Variants in ST7 observed in about 807,000 individuals in gnomAD.
The protein encoded by ST7 is suppressor of tumorigenicity 7 protein.
ST7 carries 28 observed loss-of-function variants against 78.7 expected under a neutral mutation model. That is an observed-to-expected ratio of 0.36 (90% confidence interval 0.26 to 0.49). ST7 has a LOEUF of 0.49. ST7 is among the 20% of genes least tolerant of loss of function. The pLI is 0.99. For missense variants in ST7, 418 were observed against 696.0 expected (o/e 0.60, Z 4.49); for synonymous variants, 247 against 249.6 (o/e 0.99, Z 0.10).
intron 12 of ST7, among the ~76,000 whole-genome samples, chr7:117,194,074 T>C (rs1460558407): frequency 1.3e-5 from 2 of 152,182 alleles, no homozygotes; most frequent in Non-Finnish European, 2.9e-5. Context: ...AAAAACCCCT[T>C]GTCTCTGTTC....
At chr7:116,965,827 A>T (rs1029242581) in intron 1 of ST7, 3 of 168,086 alleles carry the variant, frequency 1.8e-5, no homozygotes, top group African/African-American at 7.3e-5. Context: ...CAAAGTTTGC[A>T]TGAAATATGG....
intron 1 of ST7, among the ~76,000 whole-genome samples, chr7:117,029,890 G>T (rs1354686753): frequency 6.6e-6 from 1 of 151,906 alleles, no homozygotes; most frequent in Non-Finnish European, 1.5e-5. Context: ...TTATTCTAGG[G>T]ATCTGTATAT....
At chr7:117,221,454 A>G (rs1793082673) in intron 14 of ST7, among the ~76,000 whole-genome samples, 1 of 152,202 alleles carries the variant, frequency 6.6e-6, no homozygotes, top group South Asian at 2.1e-4. Flanking sequence ...AACTAGTATC[A>G]TCTCATTATA....
chr7:117,219,986 A>G lies in ST7; in HGVS notation c.1498+810A>G, dbSNP rs1792967735. ...GACTTAGGATATATTTTTCTCCCTCAGATAATAAGCTCCAAATTTTAGCTC... is the reference window on the plus strand; with the variant it reads ...GACTTAGGATATATTTTTCTCCCTCGGATAATAAGCTCCAAATTTTAGCTC... On this transcript the variant is annotated intron_variant, in intron 14 of 15. Coordinates refer to ENST00000323984, the MANE Select transcript of ST7 (RefSeq NM_001369598.1). The surrounding 1 kb of genome is among the most constrained non-coding windows in gnomAD (Gnocchi z 5.1). Among the ~76,000 whole-genome samples the G allele has an allele frequency of 6.6e-6, 1 of 152,198 alleles. No individual in the cohort carries two copies. Among genetic ancestry groups the G allele is most frequent in the African/African-American group, 2.4e-5 (1 of 41,446 alleles).
chr7:117,162,808 C>A (rs1807260009), intron 9 of ST7, among the ~76,000 whole-genome samples: 1 of 152,164 alleles, frequency 6.6e-6, no homozygotes, highest in Admixed American at 6.5e-5. Context: ...GGTCTCCTAT[C>A]TGTTTTTGTA....
chr7:117,220,952 T>C (rs1793041461), intron 14 of ST7, among the ~76,000 whole-genome samples: 1 of 152,178 alleles, frequency 6.6e-6, no homozygotes, highest in Non-Finnish European at 1.5e-5. Context: ...GAAAGGCCTC[T>C]AGATCTTGTA....
At chr7:117,109,329 A>C (rs988629007) in intron 2 of ST7, among the ~76,000 whole-genome samples, 1 of 145,840 alleles carries the variant, frequency 6.9e-6, no homozygotes, top group Non-Finnish European at 1.6e-5. Flanking sequence ...AGATTAAGCA[A>C]GAGAAGAAGA....
At chr7:117,204,793 T>TTTTG in intron 12 of ST7, among the ~76,000 whole-genome samples, 1 of 152,340 alleles carries the variant, frequency 6.6e-6, no homozygotes, top group African/African-American at 2.4e-5. Flanking sequence ...TCCAGTTATC[T>TTTTG]TTTGTTTGTA....
At chr7:117,179,232 A>T (rs537938294) in intron 10 of ST7, among the ~76,000 whole-genome samples, 1 of 152,210 alleles carries the variant, frequency 6.6e-6, no homozygotes, top group Admixed American at 6.5e-5. Context: ...AATTGGATGT[A>T]AATGTTTGCA....
At chr7:117,133,213 C>T (rs1804507550) in intron 6 of ST7, among the ~76,000 whole-genome samples, 3 of 151,850 alleles carry the variant, frequency 2.0e-5, no homozygotes, top group African/African-American at 7.2e-5. Context: ...GCCTTCTTCC[C>T]CTTTTTGAAA....
chr7:117,082,844 A>G (rs1446487225), intron 1 of ST7, among the ~76,000 whole-genome samples: 1 of 152,232 alleles, frequency 6.6e-6, no homozygotes, highest in Non-Finnish European at 1.5e-5. Flanking sequence ...CTGTGTTTAT[A>G]AAATGTATTT....
At chr7:117,198,370 T>C (rs1443426833) in intron 12 of ST7, 1 of 455,520 alleles carries the variant, frequency 2.2e-6, no homozygotes, top group Non-Finnish European at 4.4e-6. Flanking sequence ...AGGTGCTTCT[T>C]GGGCCACCCT....
At chr7:117,208,386 C>G (rs375229920) in intron 12 of ST7, among the ~76,000 whole-genome samples, 2 of 152,124 alleles carry the variant, frequency 1.3e-5, no homozygotes, top group Non-Finnish European at 2.9e-5. Flanking sequence ...GTGTGACGAC[C>G]GTTATCAGTG....
intron 9 of ST7, among the ~76,000 whole-genome samples, chr7:117,142,055 G>T (rs1230007374): frequency 8.6e-5 from 13 of 152,002 alleles, no homozygotes; most frequent in Admixed American, 8.5e-4. Flanking sequence ...AGGTCTTTCT[G>T]CTTGCTCTCA....
chr7:117,214,721 G>A (rs1050659809), intron 13 of ST7, among the ~76,000 whole-genome samples: 3 of 151,614 alleles, frequency 2.0e-5, no homozygotes, highest in African/African-American at 2.4e-5. Flanking sequence ...CCTTTATTCC[G>A]TCTCGGTGAA....
chr7:117,003,577 G>A lies in ST7; in HGVS notation c.151+49886G>A, dbSNP rs1337422371. 2.6e-5 allele frequency among the ~76,000 whole-genome samples: 4 copies of A among 151,998 alleles called. No individual in the cohort carries two copies. The East Asian group carries it at 5.8e-4, about 22-fold the overall frequency. ...TGGGATTACAAGCGTGAGCCACTGC[G>A]CCTGGCCATGCCTGGCTAATTTTTG... is the stretch of plus-strand genomic sequence containing the variant. On this transcript the variant is annotated intron_variant, in intron 1 of 15. Coordinates refer to ENST00000323984, the MANE Select transcript of ST7 (RefSeq NM_001369598.1).
At chr7:117,007,400 A>G (rs933017541) in intron 1 of ST7, among the ~76,000 whole-genome samples, 1 of 152,330 alleles carries the variant, frequency 6.6e-6, no homozygotes, top group South Asian at 2.1e-4. Context: ...CAGGGGTTCT[A>G]TGAAGGCTGA....
intron 8 of ST7, chr7:117,137,151 A>G (rs1804856591): frequency 6.6e-6 from 1 of 152,140 alleles, no homozygotes; most frequent in Admixed American, 6.6e-5. Flanking sequence ...AGATTATAAA[A>G]TTAAATGTTA....
intron 2 of ST7, among the ~76,000 whole-genome samples, chr7:117,110,074 A>G (rs1373033130): frequency 2.0e-5 from 3 of 152,220 alleles, no homozygotes; most frequent in Non-Finnish European, 4.4e-5. Context: ...AATTCTTACT[A>G]AATATATGCC....
Sources: allele counts gnomAD v4.1 joint callset (sites outside exome capture counted in the v4.1 genomes callset), GRCh38; gene constraint gnomAD v4.1.1; non-coding constraint Gnocchi (gnomAD v3.1); transcripts MANE v1.5; gene names NCBI Gene and HGNC (gene_info 2026-07-23, HGNC 2026-07-21).